The following PTPN4 variants were observed in gnomAD, a reference collection of about 807,000 sequenced individuals.
PTPN4 encodes the protein protein tyrosine phosphatase non-receptor type 4.
Under a neutral mutation model 135.5 loss-of-function variants are expected in PTPN4, and 49 were observed. The observed-to-expected ratio is 0.36, with a 90% CI of 0.29 to 0.46. The LOEUF (loss-of-function observed/expected upper bound fraction) is 0.46, where lower values mean the gene tolerates loss of function less well. PTPN4 is among the 20% of genes least tolerant of loss of function. PTPN4 has a pLI of 1.00. For synonymous variants in PTPN4, 333 were observed against 369.9 expected (o/e 0.90, Z 1.14); for missense variants, 860 against 1,101.0 (o/e 0.78, Z 3.10).
At chr2:119,935,014 A>C in intron 15 of PTPN4, 56 bp downstream of exon 15, 1 of 1,501,250 alleles carries the variant, frequency 6.7e-7, no homozygotes, top group South Asian at 1.2e-5. Flanking sequence ...AAATTGCTTT[A>C]CTTAAAATAA....
intron 26 of PTPN4, among the ~76,000 whole-genome samples, chr2:119,973,867 G>A (rs1220166334): frequency 2.0e-5 from 3 of 150,376 alleles, no homozygotes; most frequent in South Asian, 2.1e-4. Context: ...TCTTTTTTTT[G>A]TGAAGTTAGC....
chr2:119,811,293 A>G (rs920460635), intron 2 of PTPN4, among the ~76,000 whole-genome samples: 3 of 152,226 alleles, frequency 2.0e-5, no homozygotes, highest in Admixed American at 6.5e-5. Context: ...GTATTACTAT[A>G]TAGCAGGATT....
At chr2:119,928,729 G>A (rs1053272896) in intron 13 of PTPN4, among the ~76,000 whole-genome samples, 2 of 152,068 alleles carry the variant, frequency 1.3e-5, no homozygotes, top group Non-Finnish European at 2.9e-5. Flanking sequence ...TAACAGCGTA[G>A]CAATATACTT....
chr2:119,855,739 A>G (rs1677666785), intron 2 of PTPN4, among the ~76,000 whole-genome samples: 1 of 152,200 alleles, frequency 6.6e-6, no homozygotes, highest in African/African-American at 2.4e-5. Flanking sequence ...TACTATGAGC[A>G]AGCATCATAC....
At chr2:119,905,886 G>A (rs1467357226) in intron 10 of PTPN4, among the ~76,000 whole-genome samples, 20 of 151,970 alleles carry the variant, frequency 1.3e-4, no homozygotes, top group Non-Finnish European at 1.2e-4. Flanking sequence ...AGAAATTAAG[G>A]CAGAAATAAA....
At chr2:119,806,583 C>A (rs1405719388) in intron 1 of PTPN4, among the ~76,000 whole-genome samples, 1 of 152,104 alleles carries the variant, frequency 6.6e-6, no homozygotes, top group Non-Finnish European at 1.5e-5. Flanking sequence ...AAAACAAGTC[C>A]TTAGAGACCT....
intron 1 of PTPN4, among the ~76,000 whole-genome samples, chr2:119,795,864 C>T (rs1308216507): frequency 6.6e-6 from 1 of 152,228 alleles, no homozygotes; most frequent in African/African-American, 2.4e-5. Flanking sequence ...TGGTGGGTGA[C>T]TTGCCCGGCC....
At chr2:119,976,819 T>A in intron 26 of PTPN4, 165 bp from the exon 27 acceptor site, 1 of 1,253,086 alleles carries the variant, frequency 8.0e-7, no homozygotes, top group Non-Finnish European at 1.0e-6. Flanking sequence ...CAAACTGTAT[T>A]TTTTAACCAG....
At chr2:119,796,605 A>T (rs1691265236) in intron 1 of PTPN4, among the ~76,000 whole-genome samples, 1 of 152,224 alleles carries the variant, frequency 6.6e-6, no homozygotes, top group South Asian at 2.1e-4. Flanking sequence ...ATATGAATAA[A>T]CTAATTCACC....
At chr2:119,871,131 A>G (rs1214136899) in intron 3 of PTPN4, among the ~76,000 whole-genome samples, 2 of 149,734 alleles carry the variant, frequency 1.3e-5, no homozygotes, top group Non-Finnish European at 3.0e-5. Context: ...TCACTGGTTA[A>G]TCAGAGAGAT....
In PTPN4 at chr2:119,789,867, T is replaced by C. The variant is rs185048946; in HGVS notation, c.-17-19970T>C. On this transcript the variant is annotated intron_variant, in intron 1 of 26. Transcript: ENST00000263708. Reference sequence around the variant, plus strand: ...CCTCCTGAGTAGCTGGGATTACAGGTGCATACCACCATGCTCAGCTAATTT... The same window carrying C: ...CCTCCTGAGTAGCTGGGATTACAGGCGCATACCACCATGCTCAGCTAATTT... Among the ~76,000 whole-genome samples the C allele has an allele frequency of 3.2e-3, 492 of 152,076 alleles. 2 individuals are homozygous for C. The highest frequency in any genetic ancestry group is 0.011 in the African/African-American group (465 of 41,444).
chr2:119,905,631 A>G (rs1329049710), intron 10 of PTPN4, among the ~76,000 whole-genome samples: 1 of 152,240 alleles, frequency 6.6e-6, no homozygotes, highest in African/African-American at 2.4e-5. Context: ...AAACATTTAA[A>G]CAACATTTTA....
At chr2:119,838,188 T>G (rs1360164546) in intron 2 of PTPN4, among the ~76,000 whole-genome samples, 1 of 152,156 alleles carries the variant, frequency 6.6e-6, no homozygotes, top group Non-Finnish European at 1.5e-5. Flanking sequence ...CAGTGGATGA[T>G]TTCTGGTTTT....
intron 10 of PTPN4, 38 bp from the exon 11 acceptor site, chr2:119,915,141 T>A (rs1274340946): frequency 7.0e-7 from 1 of 1,434,544 alleles, no homozygotes; most frequent in Non-Finnish European, 9.4e-7. Flanking sequence ...TTTTTATCAT[T>A]ATTCAATACT....
intron 3 of PTPN4, among the ~76,000 whole-genome samples, chr2:119,864,824 T>C (rs1371299913): frequency 6.6e-6 from 1 of 152,178 alleles, no homozygotes; most frequent in African/African-American, 2.4e-5. Context: ...TTCTTTGTCT[T>C]TCTGTCTTGA....
chr2:119,970,516 G>A (rs1679516019), intron 26 of PTPN4, among the ~76,000 whole-genome samples: 1 of 151,146 alleles, frequency 6.6e-6, no homozygotes, highest in African/African-American at 2.4e-5. Context: ...TTCTTTCTCT[G>A]TAGAGTTGCC....
chr2:119,807,165 G>A (rs1282696581), intron 1 of PTPN4, among the ~76,000 whole-genome samples: 3 of 152,220 alleles, frequency 2.0e-5, no homozygotes, highest in Middle Eastern at 3.4e-3. Flanking sequence ...ACAATGAAAA[G>A]AACTAGAGAA....
intron 13 of PTPN4, 87 bp from the exon 14 acceptor site, chr2:119,932,337 A>G: frequency 3.0e-6 from 4 of 1,316,392 alleles, no homozygotes; most frequent in Non-Finnish European, 4.1e-6. Context: ...CTAGAACATA[A>G]TCTCTGAAAA....
chr2:119,810,072 A>G, intron 2 of PTPN4, 81 bp downstream of exon 2: 3 of 1,422,840 alleles, frequency 2.1e-6, no homozygotes, highest in Non-Finnish European at 9.4e-7. Context: ...GGATTATTAA[A>G]TTATAGTACA....
Sources: allele counts gnomAD v4.1 joint callset (sites outside exome capture counted in the v4.1 genomes callset), GRCh38; gene constraint gnomAD v4.1.1; transcripts MANE v1.5; gene names NCBI Gene and HGNC (gene_info 2026-07-23, HGNC 2026-07-21).